HTR2C: variants seen among roughly 807,000 people sequenced by gnomAD.
HTR2C encodes the protein 5-hydroxytryptamine receptor 2C, also known as 5-hydroxytryptamine (serotonin) receptor 2C, G protein-coupled.
In HTR2C, 5 loss-of-function variants were observed where a neutral mutation model predicts 21.0. The ratio of observed to expected loss-of-function variants is 0.24; its 90% confidence interval spans 0.12 to 0.50. The LOEUF is 0.50. Ranked by LOEUF, HTR2C falls within the 20% of genes least tolerant of loss-of-function variation. The probability of loss-of-function intolerance (pLI) is 0.98; values close to 1 mark genes in which losing one functional copy is unlikely to be tolerated. For synonymous variants in HTR2C, 150 were observed against 145.3 expected, an observed-to-expected ratio of 1.03 and a Z score of -0.23; for missense variants, 271 against 371.2, an observed-to-expected ratio of 0.73 and a Z score of 2.22.
chrX:114,708,177 A>T (rs782266801), intron 2 of HTR2C, among the ~76,000 whole-genome samples: 1 of 111,765 alleles, frequency 8.9e-6, no homozygotes, highest in Non-Finnish European at 1.9e-5. Flanking sequence ...ATTTTATAAA[A>T]TTCACTTACT....
chrX:114,716,836 AC>A (rs1433124025), intron 2 of HTR2C, among the ~76,000 whole-genome samples: 1 of 111,336 alleles, frequency 9.0e-6, no homozygotes, highest in Admixed American at 9.7e-5. Context: ...AATCTGTGCC[AC>A]ATTAATATAA....
chrX:114,791,488 G>T (rs1256013485), intron 4 of HTR2C, among the ~76,000 whole-genome samples: 4 of 111,298 alleles, frequency 3.6e-5, no homozygotes, highest in African/African-American at 1.3e-4. Flanking sequence ...AGAAAGAAGT[G>T]AATTCTTCCT....
At chrX:114,592,520 G>C (rs1225654984) in intron 1 of HTR2C, among the ~76,000 whole-genome samples, 2 of 111,093 alleles carry the variant, frequency 1.8e-5, no homozygotes, top group African/African-American at 3.3e-5. Flanking sequence ...AACACTTATA[G>C]AGTGAGAAAT....
chrX:114,788,695 T>A (rs1463088477), intron 4 of HTR2C, among the ~76,000 whole-genome samples: 2 of 111,677 alleles, frequency 1.8e-5, no homozygotes, highest in Non-Finnish European at 3.8e-5. Context: ...TTGTCCAAGA[T>A]GGAGTGCTAT....
chrX:114,829,532 T>C (rs2070703531), intron 4 of HTR2C, among the ~76,000 whole-genome samples: 1 of 111,455 alleles, frequency 9.0e-6, no homozygotes, highest in Non-Finnish European at 1.9e-5. Flanking sequence ...TGGTGTCATA[T>C]CTAAGAAACC....
At position 114,734,162 on chromosome X, in the gene HTR2C, T is replaced by C. The variant is rs782310657; in HGVS notation, c.349+2555T>C. ...AACATAAAAAGCACCCAACGAAGAATTGATTCATATGAAGCTTAATAAGGA... is the reference window on the plus strand; with the variant it reads ...AACATAAAAAGCACCCAACGAAGAACTGATTCATATGAAGCTTAATAAGGA... On this transcript the variant is annotated intron_variant, in intron 4 of 5. Coordinates refer to ENST00000276198, the MANE Select transcript of HTR2C (RefSeq NM_000868.4). Among the ~76,000 whole-genome samples the C allele has an allele frequency of 6.1e-4, 68 of 110,995 alleles. 1 individual carries two copies. The highest frequency in any genetic ancestry group is 9.3e-4 in the Non-Finnish European group (49 of 52,936).
chrX:114,793,327 A>G (rs1452525660), intron 4 of HTR2C, among the ~76,000 whole-genome samples: 1 of 111,470 alleles, frequency 9.0e-6, no homozygotes, highest in Non-Finnish European at 1.9e-5. Flanking sequence ...TTTAAAAAAA[A>G]TTATTTAAGA....
chrX:114,650,135 G>A (rs1431137015), intron 2 of HTR2C, among the ~76,000 whole-genome samples: 1 of 111,854 alleles, frequency 8.9e-6, no homozygotes, highest in East Asian at 2.8e-4. Flanking sequence ...TACATTTAAT[G>A]TCTAAGTCAT....
intron 2 of HTR2C, among the ~76,000 whole-genome samples, chrX:114,718,573 G>A (rs1556420120): frequency 9.0e-6 from 1 of 111,694 alleles, no homozygotes; most frequent in Non-Finnish European, 1.9e-5. Flanking sequence ...TGAAAATTAT[G>A]TGAAAACTAA....
intron 2 of HTR2C, among the ~76,000 whole-genome samples, chrX:114,676,724 C>T (rs1409194074): frequency 1.8e-5 from 2 of 112,402 alleles, no homozygotes; most frequent in Non-Finnish European, 3.8e-5. Context: ...CTCTATGACA[C>T]TCTTTTGTTT....
intron 2 of HTR2C, among the ~76,000 whole-genome samples, chrX:114,723,859 G>C (rs781859380): frequency 0.022 from 2,197 of 102,098 alleles, 75 homozygotes; most frequent in African/African-American, 0.074. Context: ...GTTCTAGTTT[G>C]ATTGCACTGT....
rs782103502 is a variant in HTR2C at position 114,591,560 on chromosome X, CTG to C, written c.-147+6905_-147+6906del. 6.9e-4 allele frequency among the ~76,000 whole-genome samples: 77 copies of C among 111,700 alleles called. No homozygotes were observed. In the East Asian group the frequency reaches 9.0e-3, roughly 13 times the overall value. On this transcript the variant is annotated intron_variant, in intron 1 of 5. Coordinates refer to ENST00000276198, the MANE Select transcript of HTR2C (RefSeq NM_000868.4). ...TACCCACCTCTCACTGGGTAACTGT[CTG>C]TGTCAAATTTTCCTGCTTCTACTAC...
At chrX:114,893,206 G>A (rs1556483154) in intron 5 of HTR2C, among the ~76,000 whole-genome samples, 1 of 110,593 alleles carries the variant, frequency 9.0e-6, no homozygotes, top group African/African-American at 3.3e-5. Context: ...GAGCCACTGT[G>A]CCCAGCCTGA....
chrX:114,701,138 GACAA>G (rs1463033613), intron 2 of HTR2C, among the ~76,000 whole-genome samples: 1 of 112,407 alleles, frequency 8.9e-6, no homozygotes, highest in East Asian at 2.8e-4. Flanking sequence ...GCAGGGCACA[GACAA>G]ACAAAAAGAC....
At chrX:114,627,568 C>A (rs782725469) in intron 2 of HTR2C, among the ~76,000 whole-genome samples, 470 of 110,857 alleles carry the variant, frequency 4.2e-3, no homozygotes, top group South Asian at 0.019. Flanking sequence ...TATACATGTA[C>A]AAAGAGGTGA....
intron 2 of HTR2C, among the ~76,000 whole-genome samples, chrX:114,684,003 C>T (rs1931834212): frequency 1.8e-5 from 2 of 110,455 alleles, no homozygotes; most frequent in South Asian, 3.8e-4. Context: ...CATATCTTTC[C>T]CTGAAAAAAA....
intron 4 of HTR2C, among the ~76,000 whole-genome samples, chrX:114,805,648 AC>A (rs782326041): frequency 0.083 from 2,423 of 29,337 alleles, 713 homozygotes; most frequent in African/African-American, 0.2. Flanking sequence ...ATATATATAC[AC>A]CATATATATA....
chrX:114,729,200 C>T lies in HTR2C; in HGVS notation c.36-2094C>T, dbSNP rs1260461978. ...AAATAAAATCAAGACTTAAATTATC[C>T]TGGCAAATTTTGAAATACATGAGTT... On this transcript the variant is annotated intron_variant, in intron 3 of 5. Coordinates refer to ENST00000276198, the MANE Select transcript of HTR2C (RefSeq NM_000868.4). Among the ~76,000 whole-genome samples, 28 of 111,954 alleles carry T rather than the reference C, an allele frequency of 2.5e-4. No individual in the cohort carries two copies. The Admixed American group carries it at 2.7e-3, about 11-fold the overall frequency.
chrX:114,673,159 T>C (rs1489642279), intron 2 of HTR2C, among the ~76,000 whole-genome samples: 1 of 112,246 alleles, frequency 8.9e-6, no homozygotes, highest in Non-Finnish European at 1.9e-5. Context: ...AAAGCAGTAA[T>C]ACACTCTGTC....
Sources: allele counts gnomAD v4.1 joint callset (sites outside exome capture counted in the v4.1 genomes callset), GRCh38; gene constraint gnomAD v4.1.1; transcripts MANE v1.5; gene names NCBI Gene and HGNC (gene_info 2026-07-23, HGNC 2026-07-21).